PRKAR1A: variants seen among roughly 807,000 people sequenced by gnomAD.
PRKAR1A encodes the protein cAMP-dependent protein kinase type I-alpha regulatory subunit.
PRKAR1A carries 3 observed loss-of-function variants against 52.0 expected under a neutral mutation model. That is an observed-to-expected ratio of 0.06 (90% CI 0.03 to 0.15). The LOEUF (loss-of-function observed/expected upper bound fraction) is 0.15. PRKAR1A is among the 10% of genes least tolerant of loss of function. The pLI is 1.00. For synonymous variants in PRKAR1A, 188 were observed against 168.4 expected (o/e 1.12, Z -0.90); for missense variants, 240 against 477.4 (o/e 0.50, Z 4.63).
At chr17:68,517,785 T>G (rs1339156027) in intron 2 of PRKAR1A, among the ~76,000 whole-genome samples, 1 of 151,962 alleles carries the variant, frequency 6.6e-6, no homozygotes, top group Non-Finnish European at 1.5e-5. Flanking sequence ...TCCCTCAGAG[T>G]CTTAACTCAT....
Position 68,530,627 on chromosome 17 carries a change from G to C in PRKAR1A, c.*178G>C. ...TTTCAATTTGGAGCATTAACTAAAT[G>C]CTCATACACAGTTAAATAAATAGAA... On this transcript the variant is annotated 3_prime_UTR_variant, in exon 11 of 11. Coordinates refer to ENST00000589228, the MANE Select transcript of PRKAR1A (RefSeq NM_002734.5). 6.6e-7 allele frequency: 1 copy of C among 1,512,834 alleles called. No homozygotes were observed. Among genetic ancestry groups the C allele is most frequent in the Non-Finnish European group, 8.8e-7 (1 of 1,133,152 alleles). The allele number at this position is 1,512,834 out of a possible 1,614,324, so 93.7% of individuals were successfully genotyped here.
intron 11 of PRKAR1A, among the ~76,000 whole-genome samples, chr17:68,538,510 A>G (rs2086161242): frequency 6.6e-6 from 1 of 152,234 alleles, no homozygotes; most frequent in African/African-American, 2.4e-5. Flanking sequence ...GCAGGTGGTC[A>G]ATTTTACAAG....
intron 11 of PRKAR1A, among the ~76,000 whole-genome samples, chr17:68,545,928 G>A (rs1273280977): frequency 2.6e-5 from 4 of 152,162 alleles, no homozygotes; most frequent in Non-Finnish European, 5.9e-5. Context: ...CAAGCACTTT[G>A]GGAGGCTGAG....
At chr17:68,438,082 G>A in the PRKAR1A span, among the ~76,000 whole-genome samples, 2 of 152,068 alleles carry the variant, frequency 1.3e-5, no homozygotes, top group Admixed American at 6.5e-5. Context: ...GCTGAGGAAG[G>A]AGAGCAAAGG....
intron 11 of PRKAR1A, chr17:68,540,842 G>T (rs2086254742): frequency 2.5e-6 from 4 of 1,592,264 alleles, no homozygotes; most frequent in Non-Finnish European, 3.4e-6. Context: ...TGCGTGTGGG[G>T]ACCTACCTAT....
the PRKAR1A span, among the ~76,000 whole-genome samples, chr17:68,489,197 T>TATATATATGGAAAGC: frequency 1.2e-4 from 4 of 32,514 alleles, no homozygotes; most frequent in East Asian, 2.5e-3. Flanking sequence ...TATATATATA[T>TATATATATGGAAAGC]ATATATATAT....
chr17:68,536,079 G>A (rs1340256058), downstream of PRKAR1A: 3 of 454,000 alleles, frequency 6.6e-6, no homozygotes, highest in Non-Finnish European at 1.3e-5. Context: ...TGATTTTAGA[G>A]AGACACAAAG....
the PRKAR1A span, among the ~76,000 whole-genome samples, chr17:68,453,792 T>G: frequency 1.3e-5 from 2 of 152,154 alleles, no homozygotes; most frequent in Non-Finnish European, 2.9e-5. Flanking sequence ...ACTTTCAAAG[T>G]AGGCATAGTA....
At chr17:68,452,015 T>C in the PRKAR1A span, among the ~76,000 whole-genome samples, 2 of 152,188 alleles carry the variant, frequency 1.3e-5, no homozygotes, top group Admixed American at 1.3e-4. Context: ...GAGCCCAAAA[T>C]ATTATTTACT....
chr17:68,492,877 G>A, the PRKAR1A span, among the ~76,000 whole-genome samples: 1 of 152,170 alleles, frequency 6.6e-6, no homozygotes, highest in Non-Finnish European at 1.5e-5. Context: ...ATTCCATGAT[G>A]TATATGTATC....
intron 8 of PRKAR1A, 39 bp downstream of exon 8, chr17:68,527,939 A>G (rs1201209348): frequency 3.3e-6 from 5 of 1,509,638 alleles, no homozygotes; most frequent in South Asian, 1.1e-5. Flanking sequence ...AGTATGTGAG[A>G]TACCCCTGAA....
the PRKAR1A span, among the ~76,000 whole-genome samples, chr17:68,483,036 A>G: frequency 2.0e-5 from 3 of 152,290 alleles, no homozygotes; most frequent in Admixed American, 2.0e-4. Context: ...TCATTGGCTA[A>G]CTTAAAGTCA....
chr17:68,536,644 G>A (rs910223450), downstream of PRKAR1A: 5 of 452,380 alleles, frequency 1.1e-5, no homozygotes, highest in East Asian at 6.9e-5. Flanking sequence ...TTGGTGGGCT[G>A]TAGTCAGCCT....
chr17:68,482,039 T>G, the PRKAR1A span, among the ~76,000 whole-genome samples: 1 of 152,190 alleles, frequency 6.6e-6, no homozygotes, highest in East Asian at 1.9e-4. Flanking sequence ...GGGTCCTGAC[T>G]GTGTGGCAAG....
chr17:68,517,343 G>A (rs879944978), intron 2 of PRKAR1A, among the ~76,000 whole-genome samples: 9 of 152,122 alleles, frequency 5.9e-5, no homozygotes, highest in Non-Finnish European at 1.0e-4. Context: ...CTATTAGTCC[G>A]TTGTCATGCT....
At chr17:68,467,948 G>A in the PRKAR1A span, among the ~76,000 whole-genome samples, 2 of 152,120 alleles carry the variant, frequency 1.3e-5, no homozygotes, top group African/African-American at 2.4e-5. Context: ...AGGCTGGAGT[G>A]CAGTGGTGCC....
the PRKAR1A span, among the ~76,000 whole-genome samples, chr17:68,425,029 T>G: frequency 3.9e-5 from 6 of 152,320 alleles, no homozygotes; most frequent in African/African-American, 1.4e-4. Flanking sequence ...CAGCAGGCTC[T>G]CAGGAGGGAA....
chr17:68,427,233 G>C, the PRKAR1A span: 1 of 1,613,948 alleles, frequency 6.2e-7, no homozygotes, highest in South Asian at 1.1e-5. Flanking sequence ...ATTCTCTTCT[G>C]TTGTTCCTGA....
At chr17:68,458,742 C>T in the PRKAR1A span, among the ~76,000 whole-genome samples, 1 of 152,186 alleles carries the variant, frequency 6.6e-6, no homozygotes, top group Non-Finnish European at 1.5e-5. Context: ...GGAGCTCTGC[C>T]AGCTTTGGAT....
Sources: gnomAD v4.1 joint callset for allele counts (sites outside exome capture counted in the v4.1 genomes callset) on GRCh38, gnomAD v4.1.1 for gene constraint, MANE v1.5 for transcripts, NCBI Gene and HGNC (gene_info 2026-07-23, HGNC 2026-07-21) for gene names.